HSPA13: variants seen among roughly 807,000 people sequenced by gnomAD.
HSPA13 encodes heat shock 70 kDa protein 13.
HSPA13 carries 29 observed loss-of-function variants against 38.8 expected under a neutral mutation model. The ratio of observed to expected loss-of-function variants is 0.75; its 90% confidence interval spans 0.56 to 1.02. The LOEUF is 1.02. Ranked by LOEUF, HSPA13 falls within the 50% of genes least tolerant of loss-of-function variation. HSPA13 has a pLI of 0.00. For synonymous variants in HSPA13, 192 were observed against 205.3 expected, an observed-to-expected ratio of 0.94 and a Z score of 0.56; for missense variants, 451 against 560.9, an observed-to-expected ratio of 0.80 and a Z score of 1.98.
chr21:14,381,718 G>A (rs1355673156), intron 1 of HSPA13, among the ~76,000 whole-genome samples, 175 bp from the exon 2 acceptor site: 1 of 152,098 alleles, frequency 6.6e-6, no homozygotes, highest in Non-Finnish European at 1.5e-5. Flanking sequence ...TTTTCAAAAT[G>A]TAAACTGGTT....
At chr21:14,377,022 G>A (rs1483563993) in intron 3 of HSPA13, among the ~76,000 whole-genome samples, 1 of 152,212 alleles carries the variant, frequency 6.6e-6, no homozygotes, top group Non-Finnish European at 1.5e-5. Flanking sequence ...AACATATGGA[G>A]ACATTTTTCA....
rs367859973 is a variant in HSPA13, at chr21:14,378,460, A to G, written c.367-48T>C. On this transcript the variant is annotated intron_variant, in intron 2 of 4. Transcript: ENST00000285667. ...AGTAAATAAATAAAAGAGTAAAAGC[A>G]TACAGACATACATATATACATAAAT... is the stretch of plus-strand genomic sequence containing the variant. 2.1e-4 allele frequency: 252 copies of G among 1,178,716 alleles called. 2 individuals carry two copies. The Middle Eastern group carries it at 0.011, about 50-fold the overall frequency. The allele number at this position is 1,178,716 out of a possible 1,614,324, so 73.0% of individuals were successfully genotyped here.
intron 1 of HSPA13, among the ~76,000 whole-genome samples, chr21:14,382,274 G>T (rs1984188945): frequency 6.6e-6 from 1 of 151,920 alleles, no homozygotes; most frequent in Admixed American, 6.6e-5. Flanking sequence ...GTTCACTGTT[G>T]TATCCCCCAG....
chr21:14,378,479 CA>C, intron 2 of HSPA13, 67 bp from the exon 3 acceptor site: 2 of 963,922 alleles, frequency 2.1e-6, no homozygotes. Flanking sequence ...TACATATATA[CA>C]TAAATACTAG....
Position 14,378,288 on chromosome 21 carries a change from C to T in HSPA13, c.491G>A (p.Gly164Glu), listed in dbSNP as rs1185004634. The change falls in exon 3 of 5, where the codon GGA becomes GAA. Residue 164 changes from glycine (G) to glutamate (E), a missense_variant. Gly to Glu is a moderately conservative substitution (Grantham distance 98, BLOSUM62 -2). Coordinates refer to ENST00000285667, the MANE Select transcript of HSPA13 (RefSeq NM_006948.5). Reference protein sequence around the residue: ...KLKEMAEAYLGMPVANAVISV... With the variant: ...KLKEMAEAYLEMPVANAVISV... ...AATGACAGCATTGGCAACTGGCATT[C>T]CAAGATATGCCTCTGCCATTTCCTT... is the stretch of plus-strand genomic sequence containing the variant. The T allele has an allele frequency of 6.2e-7, 1 of 1,613,946 alleles. No homozygotes were observed. The highest frequency in any genetic ancestry group is 1.7e-5 in the Admixed American group (1 of 60,020).
At position 14,371,980 on chromosome 21, in the gene HSPA13, T is replaced by G. The variant is rs1338179969; in HGVS notation, c.*1637A>C. 6.6e-6 allele frequency: 1 copy of G among 152,550 alleles called. No homozygotes were observed. Among genetic ancestry groups the G allele is most frequent in the Non-Finnish European group, 1.5e-5 (1 of 67,950 alleles). The allele number at this position is 152,550 out of a possible 1,614,324, so 9.4% of individuals were successfully genotyped here. ...GATACTTCAACAAACATTTTATACT[T>G]TTCTATCTACCTACTATACATATTT... On this transcript the variant is annotated 3_prime_UTR_variant, in exon 5 of 5. Coordinates refer to ENST00000285667, the MANE Select transcript of HSPA13 (RefSeq NM_006948.5).
Position 14,372,893 on chromosome 21 carries a change from A to G in HSPA13, c.*724T>C, listed in dbSNP as rs1333254696. ...AACCAAACAGAATAATGGAAATCCA[A>G]GCAGAGAATGATGTACAGGACATAA... On this transcript the variant is annotated 3_prime_UTR_variant, in exon 5 of 5. Coordinates refer to ENST00000285667, the MANE Select transcript of HSPA13 (RefSeq NM_006948.5). 6.6e-6 allele frequency: 1 copy of G among 152,178 alleles called. No homozygotes were observed. Among genetic ancestry groups the G allele is most frequent in the Non-Finnish European group, 1.5e-5 (1 of 67,998 alleles). The allele number at this position is 152,178 out of a possible 1,614,324, so 9.4% of individuals were successfully genotyped here. A position where few individuals can be genotyped will look rare whatever the true frequency, so the allele number is the denominator to read the frequency against.
In HSPA13 at chr21:14,375,788, G is replaced by C; in HGVS notation, c.612C>G (p.Pro204=). Residue 204 remains proline (P), a synonymous_variant, in exon 4 of 5, where the codon CCC becomes CCG. Transcript: ENST00000285667. The stretch of plus-strand genomic sequence containing the variant: ...GACCATAGGCCATAGCTGCTGCTGT[G>C]GGTTCATTTATTACCCTCAAAATCT... ...GLKILRVINE[P]TAAAMAYGLH... is the part of the protein sequence containing the mutation. 6.2e-7 allele frequency: 1 copy of C among 1,613,884 alleles called. No homozygotes were observed. The highest frequency in any genetic ancestry group is 8.5e-7 in the Non-Finnish European group (1 of 1,179,862).
rs759595181 is a variant in HSPA13 at position 14,373,271 on chromosome 21, A to G, written c.*346T>C. ...CAATTTAGTAAGAACTGGGAATCTC[A>G]TAACTGGCACTACTTAATGTTTATA... On this transcript the variant is annotated 3_prime_UTR_variant, in exon 5 of 5. Coordinates refer to ENST00000285667, the MANE Select transcript of HSPA13 (RefSeq NM_006948.5). The G allele has an allele frequency of 3.6e-4, 67 of 185,846 alleles. No individual in the cohort carries two copies. Among genetic ancestry groups the G allele is most frequent in the Non-Finnish European group, 5.8e-4 (51 of 88,042 alleles). The allele number at this position is 185,846 out of a possible 1,614,324, so 11.5% of individuals were successfully genotyped here.
Position 14,381,189 on chromosome 21 carries a change from G to T in HSPA13, c.366+14C>A. On this transcript the variant is annotated intron_variant, in intron 2 of 4. Coordinates refer to ENST00000285667, the MANE Select transcript of HSPA13 (RefSeq NM_006948.5). ...TACACTAAAATTAATATAGATTTTAGATTAATCACTTACCTTAAATGGGTA... is the reference window on the plus strand; with the variant it reads ...TACACTAAAATTAATATAGATTTTATATTAATCACTTACCTTAAATGGGTA... 1 of 1,554,370 alleles carries T rather than the reference G, an allele frequency of 6.4e-7. No individual in the cohort carries two copies. The highest frequency in any genetic ancestry group is 1.1e-5 in the South Asian group (1 of 87,032).
chr21:14,381,193 A>C lies in HSPA13; in HGVS notation c.366+10T>G, dbSNP rs374303646. 118 of 1,565,548 alleles carry C rather than the reference A, an allele frequency of 7.5e-5. No individual in the cohort carries two copies. The highest frequency in any genetic ancestry group is 9.8e-5 in the Non-Finnish European group (113 of 1,150,776). On this transcript the variant is annotated intron_variant, in intron 2 of 4. Coordinates refer to ENST00000285667, the MANE Select transcript of HSPA13 (RefSeq NM_006948.5). ...CTAAAATTAATATAGATTTTAGATT[A>C]ATCACTTACCTTAAATGGGTATCTG... is the stretch of plus-strand genomic sequence containing the variant.
chr21:14,378,421 A>C lies in HSPA13; in HGVS notation c.367-9T>G. 1.3e-6 allele frequency: 2 copies of C among 1,569,268 alleles called. No homozygotes were observed. The highest frequency in any genetic ancestry group is 1.8e-6 in the Non-Finnish European group (2 of 1,139,714). ...CCATTTTTGTTTAAAACCTGTGAAT[A>C]GGATTTGCAAATAAGTAAATAAATA... On this transcript the variant is annotated splice_polypyrimidine_tract_variant and intron_variant, in intron 2 of 4. Transcript: ENST00000285667.
At chr21:14,380,212 T>G (rs73341928) in intron 2 of HSPA13, among the ~76,000 whole-genome samples, 16,859 of 150,156 alleles carry the variant, frequency 0.11, 1,931 homozygotes, top group African/African-American at 0.3. Flanking sequence ...TAGGCTACAG[T>G]AAACATGATA....
At chr21:14,378,745 A>C (rs1984094091) in intron 2 of HSPA13, among the ~76,000 whole-genome samples, 1 of 151,752 alleles carries the variant, frequency 6.6e-6, no homozygotes, top group South Asian at 2.1e-4. Context: ...TCAGCTTCCC[A>C]AGTGGCTGGG....
chr21:14,381,053 T>C (rs1407124477), intron 2 of HSPA13, 150 bp downstream of exon 2: 6 of 632,118 alleles, frequency 9.5e-6, no homozygotes, highest in Non-Finnish European at 1.6e-5. Flanking sequence ...ATCCTATAGC[T>C]GCTGTGGAAT....
At chr21:14,374,346 T>C in intron 4 of HSPA13, 62 bp from the exon 5 acceptor site, 1 of 1,127,364 alleles carries the variant, frequency 8.9e-7, no homozygotes, top group East Asian at 2.4e-5. Flanking sequence ...TACACGTATG[T>C]TATTATGTAT....
At position 14,383,096 on chromosome 21, in the gene HSPA13, T is replaced by C. The variant is rs775681924; in HGVS notation, c.24A>G (p.Leu8=). 2 of 1,613,998 alleles carry C rather than the reference T, an allele frequency of 1.2e-6. No homozygotes were observed. Among genetic ancestry groups the C allele is most frequent in the Non-Finnish European group, 1.7e-6 (2 of 1,179,994 alleles). Residue 8 remains leucine, a splice_region_variant and synonymous_variant, in exon 1 of 5, where the codon TTA becomes TTG. Coordinates refer to ENST00000285667, the MANE Select transcript of HSPA13 (RefSeq NM_006948.5). MAREMTI[L]GSAVLTLLLA... ...CAACAAGGACCCCCGGGAACCCACCTAAGATCGTCATCTCTCTGGCCATCA... is the reference window on the plus strand; with the variant it reads ...CAACAAGGACCCCCGGGAACCCACCCAAGATCGTCATCTCTCTGGCCATCA...
At chr21:14,381,570 T>C (rs753502189) in intron 1 of HSPA13, 27 bp from the exon 2 acceptor site, 43 of 1,545,164 alleles carry the variant, frequency 2.8e-5, no homozygotes, top group Admixed American at 3.6e-5. Context: ...TTAAAAGATG[T>C]ATTTTATCAA....
intron 4 of HSPA13, among the ~76,000 whole-genome samples, chr21:14,374,839 T>C (rs1020425662): frequency 6.6e-6 from 1 of 152,204 alleles, no homozygotes; most frequent in African/African-American, 2.4e-5. Flanking sequence ...AATCTCTTTT[T>C]TTCCTTTCAT....
Sources: gnomAD v4.1 joint callset for allele counts (sites outside exome capture counted in the v4.1 genomes callset) on GRCh38, gnomAD v4.1.1 for gene constraint, MANE v1.5 for transcripts, NCBI Gene and HGNC (gene_info 2026-07-23, HGNC 2026-07-21) for gene names.